GALNTL6: variants seen among roughly 807,000 people sequenced by gnomAD.
GALNTL6 encodes polypeptide N-acetylgalactosaminyltransferase like 6.
In GALNTL6, 46 loss-of-function variants were observed where a neutral mutation model predicts 73.7. The ratio of observed to expected loss-of-function variants is 0.62; its 90% CI spans 0.49 to 0.80. GALNTL6 has a LOEUF of 0.80. Among genes scored for constraint, GALNTL6 ranks in the 30% least tolerant of loss-of-function variants. The pLI is 0.00. For missense variants in GALNTL6, 604 were observed against 755.0 expected (o/e 0.80, Z 2.34); for synonymous variants, 259 against 263.7 (o/e 0.98, Z 0.17).
intron 5 of GALNTL6, among the ~76,000 whole-genome samples, chr4:172,780,815 C>G (rs985092713): frequency 3.9e-5 from 6 of 152,204 alleles, no homozygotes; most frequent in African/African-American, 4.8e-5. Flanking sequence ...CCCATTTGGT[C>G]TGTTTGCTAT....
intron 3 of GALNTL6, among the ~76,000 whole-genome samples, chr4:172,268,481 G>A (rs1295631797): frequency 6.6e-6 from 1 of 152,224 alleles, no homozygotes; most frequent in Non-Finnish European, 1.5e-5. Flanking sequence ...TGGACCAGTA[G>A]TTGGATGCAG....
At chr4:171,929,259 A>T (rs908186062) in intron 2 of GALNTL6, among the ~76,000 whole-genome samples, 5 of 152,042 alleles carry the variant, frequency 3.3e-5, no homozygotes, top group Admixed American at 2.6e-4. Flanking sequence ...TTTTGTAGAG[A>T]TGGGATCTCT....
intron 2 of GALNTL6, among the ~76,000 whole-genome samples, chr4:172,147,624 A>C (rs1161268913): frequency 1.3e-5 from 2 of 152,204 alleles, no homozygotes; most frequent in Non-Finnish European, 2.9e-5. Flanking sequence ...GAAAAGTTAT[A>C]CTACACAAAC....
chr4:172,023,229 C>G (rs947251616), intron 2 of GALNTL6, among the ~76,000 whole-genome samples: 4 of 151,476 alleles, frequency 2.6e-5, no homozygotes, highest in African/African-American at 7.3e-5. Context: ...AATAACCATG[C>G]CTTCTGATAT....
chr4:172,570,251 T>C (rs1022896811), intron 5 of GALNTL6, among the ~76,000 whole-genome samples: 1 of 152,116 alleles, frequency 6.6e-6, no homozygotes, highest in African/African-American at 2.4e-5. Context: ...GTCCTGAGTA[T>C]GTGCATCTGC....
chr4:172,265,767 T>C (rs988332990), intron 3 of GALNTL6, among the ~76,000 whole-genome samples: 5 of 152,124 alleles, frequency 3.3e-5, no homozygotes, highest in Admixed American at 1.3e-4. Context: ...AAATTTTCCT[T>C]CTTTTGTTTA....
chr4:172,256,803 T>C (rs1214606581), intron 3 of GALNTL6, among the ~76,000 whole-genome samples: 2 of 151,294 alleles, frequency 1.3e-5, no homozygotes, highest in Admixed American at 1.3e-4. Context: ...AATTAATAGA[T>C]TGATTAGATA....
chr4:171,884,826 C>A (rs1308401014), intron 2 of GALNTL6, among the ~76,000 whole-genome samples: 2 of 151,936 alleles, frequency 1.3e-5, no homozygotes, highest in African/African-American at 2.4e-5. Flanking sequence ...GAGGCTGAGG[C>A]AGGCTGATCA....
intron 5 of GALNTL6, among the ~76,000 whole-genome samples, chr4:172,575,964 C>T (rs1014449600): frequency 1.3e-5 from 2 of 152,168 alleles, no homozygotes; most frequent in African/African-American, 4.8e-5. Flanking sequence ...TTGACTGGAG[C>T]TTTCACAAAA....
chr4:172,052,093 C>T (rs1364666620), intron 2 of GALNTL6, among the ~76,000 whole-genome samples: 2 of 152,118 alleles, frequency 1.3e-5, no homozygotes, highest in African/African-American at 4.8e-5. Flanking sequence ...TTTCACTTTA[C>T]AAGTGTATTC....
chr4:172,658,282 T>C (rs1261520050), intron 5 of GALNTL6, among the ~76,000 whole-genome samples: 4 of 144,054 alleles, frequency 2.8e-5, no homozygotes, highest in African/African-American at 2.6e-5. Context: ...CTGGCTAACA[T>C]GGTGAAACCC....
At chr4:171,923,398 G>GTTTTT (rs565298275) in intron 2 of GALNTL6, among the ~76,000 whole-genome samples, 14 of 124,312 alleles carry the variant, frequency 1.1e-4, no homozygotes, top group African/African-American at 3.1e-4. Context: ...CCCTGACTTT[G>GTTTTT]TTTTTTTTTT....
chr4:171,946,259 T>C (rs1438349414), intron 2 of GALNTL6, among the ~76,000 whole-genome samples: 1 of 152,190 alleles, frequency 6.6e-6, no homozygotes, highest in Non-Finnish European at 1.5e-5. Flanking sequence ...ACAGGAGATA[T>C]AAGCTATTTC....
chr4:172,772,286 G>A (rs1273042014), intron 5 of GALNTL6, among the ~76,000 whole-genome samples: 1 of 152,140 alleles, frequency 6.6e-6, no homozygotes, highest in Non-Finnish European at 1.5e-5. Flanking sequence ...TATTTGTAAT[G>A]TATTAACAGA....
chr4:171,955,866 A>C (rs2877675), intron 2 of GALNTL6, among the ~76,000 whole-genome samples: 72,158 of 151,800 alleles, frequency 0.48, 17,626 homozygotes, highest in Middle Eastern at 0.6. Flanking sequence ...TTTCCCCCAA[A>C]AAGACATTGA....
chr4:172,159,581 A>G (rs1270022040), intron 2 of GALNTL6, among the ~76,000 whole-genome samples: 3 of 152,166 alleles, frequency 2.0e-5, no homozygotes, highest in African/African-American at 7.2e-5. Flanking sequence ...ACAGCATGTT[A>G]TGACCTTTGG....
intron 5 of GALNTL6, among the ~76,000 whole-genome samples, chr4:172,386,572 T>C (rs1415970881): frequency 6.6e-6 from 1 of 152,092 alleles, no homozygotes; most frequent in African/African-American, 2.4e-5. Context: ...GATTGAGAAG[T>C]TCCATGATAA....
chr4:172,847,596 T>C (rs549550411), intron 7 of GALNTL6, among the ~76,000 whole-genome samples: 193 of 152,254 alleles, frequency 1.3e-3, no homozygotes, highest in South Asian at 2.7e-3. Context: ...AAGGTTGTGA[T>C]GGATGAATTT....
intron 5 of GALNTL6, among the ~76,000 whole-genome samples, chr4:172,754,160 A>G (rs1472667760): frequency 1.3e-5 from 2 of 152,190 alleles, no homozygotes; most frequent in Admixed American, 6.5e-5. Flanking sequence ...AACTCCTTCC[A>G]TATTCTTGAT....
Sources: gnomAD v4.1 joint callset for allele counts (sites outside exome capture counted in the v4.1 genomes callset) on GRCh38, gnomAD v4.1.1 for gene constraint, MANE v1.5 for transcripts, NCBI Gene and HGNC (gene_info 2026-07-23, HGNC 2026-07-21) for gene names.